The following NCKAP5 variants were observed in gnomAD, a reference collection of about 807,000 sequenced individuals.
NCKAP5 encodes NCK associated protein 5, also known as nck-associated protein 5.
NCKAP5 carries 92 observed loss-of-function variants against 167.0 expected under a neutral mutation model. That is an observed-to-expected ratio of 0.55 (90% CI 0.47 to 0.66). The LOEUF (loss-of-function observed/expected upper bound fraction) is 0.66. Among genes scored for constraint, NCKAP5 ranks in the 30% least tolerant of loss-of-function variants. NCKAP5 has a pLI of 0.00. For synonymous variants in NCKAP5, 891 were observed against 877.4 expected, an observed-to-expected ratio of 1.02 and a Z score of -0.27; for missense variants, 2,378 against 2,315.0, an observed-to-expected ratio of 1.03 and a Z score of -0.56.
At chr2:133,104,259 A>G (rs1054161652) in intron 6 of NCKAP5, among the ~76,000 whole-genome samples, 2 of 152,238 alleles carry the variant, frequency 1.3e-5, no homozygotes, top group Non-Finnish European at 2.9e-5. Context: ...CTACAAATCA[A>G]CCAGAACTGC....
intron 5 of NCKAP5, among the ~76,000 whole-genome samples, chr2:133,191,799 TA>T (rs2085235148): frequency 2.6e-5 from 4 of 152,032 alleles, no homozygotes; most frequent in Middle Eastern, 3.4e-3. Flanking sequence ...GGGATAGCAT[TA>T]GGAGATATAC....
chr2:132,786,235 A>G (rs1683556825), intron 13 of NCKAP5, among the ~76,000 whole-genome samples: 1 of 152,234 alleles, frequency 6.6e-6, no homozygotes, highest in Admixed American at 6.5e-5. Flanking sequence ...TAAGTCAGAA[A>G]GTACATTCAA....
At chr2:132,930,189 A>C (rs551173856) in intron 8 of NCKAP5, 2 of 152,340 alleles carry the variant, frequency 1.3e-5, no homozygotes, top group South Asian at 4.1e-4. Flanking sequence ...CTGTTGCAGT[A>C]CATGGTTGTC....
At chr2:133,437,676 T>C (rs1454850167) in intron 3 of NCKAP5, among the ~76,000 whole-genome samples, 2 of 152,136 alleles carry the variant, frequency 1.3e-5, no homozygotes, top group Non-Finnish European at 2.9e-5. Flanking sequence ...GCTCTGCTTT[T>C]TATGGCCAAG....
At chr2:133,035,715 T>C (rs2079019538) in intron 6 of NCKAP5, among the ~76,000 whole-genome samples, 1 of 151,594 alleles carries the variant, frequency 6.6e-6, no homozygotes, top group South Asian at 2.1e-4. Flanking sequence ...TAGATATAAG[T>C]GGCTATGTCT....
intron 5 of NCKAP5, among the ~76,000 whole-genome samples, chr2:133,169,050 G>A (rs914727231): frequency 6.6e-6 from 1 of 152,126 alleles, no homozygotes; most frequent in Non-Finnish European, 1.5e-5. Context: ...CTTGAACCAA[G>A]TATTTCAGCA....
chr2:132,852,720 G>T (rs986546496), intron 11 of NCKAP5, among the ~76,000 whole-genome samples: 15 of 152,144 alleles, frequency 9.9e-5, no homozygotes, highest in South Asian at 6.2e-4. Flanking sequence ...TTCACAAATT[G>T]CTTTTTGGAA....
chr2:133,541,844 G>A (rs1041083747), intron 2 of NCKAP5, among the ~76,000 whole-genome samples: 7 of 151,884 alleles, frequency 4.6e-5, no homozygotes, highest in African/African-American at 1.2e-4. Flanking sequence ...GGACTAAGTC[G>A]CCATAAACAA....
At chr2:133,457,982 T>C (rs1691962293) in intron 3 of NCKAP5, among the ~76,000 whole-genome samples, 1 of 152,178 alleles carries the variant, frequency 6.6e-6, no homozygotes, top group South Asian at 2.1e-4. Context: ...GCCTTGATGA[T>C]AGGTCTCTGT....
At chr2:133,018,095 T>G (rs2078404352) in intron 6 of NCKAP5, among the ~76,000 whole-genome samples, 1 of 152,184 alleles carries the variant, frequency 6.6e-6, no homozygotes, top group African/African-American at 2.4e-5. Context: ...TCTGTAACAC[T>G]ATTTTATCAC....
intron 5 of NCKAP5, among the ~76,000 whole-genome samples, chr2:133,148,246 A>C (rs1336199592): frequency 6.6e-6 from 1 of 152,140 alleles, no homozygotes; most frequent in Non-Finnish European, 1.5e-5. Context: ...CCACTGTATC[A>C]TATCAACTTT....
At chr2:132,781,801 A>G (rs779157600) in intron 14 of NCKAP5, 139 bp downstream of exon 14, 32 of 727,134 alleles carry the variant, frequency 4.4e-5, no homozygotes, top group African/African-American at 7.1e-5. Flanking sequence ...TGGCTAATGT[A>G]TAAAAGACTG....
chr2:132,887,340 T>C (rs938549824), intron 8 of NCKAP5, among the ~76,000 whole-genome samples: 67 of 119,230 alleles, frequency 5.6e-4, no homozygotes, highest in African/African-American at 1.7e-3. Flanking sequence ...TCTATCTATC[T>C]ATCTATCTAT....
chr2:133,211,599 C>T (rs1387675047), intron 5 of NCKAP5, among the ~76,000 whole-genome samples: 1 of 152,168 alleles, frequency 6.6e-6, no homozygotes, highest in South Asian at 2.1e-4. Flanking sequence ...ATTTTAATTA[C>T]ATTGAATATC....
chr2:133,550,070 A>T lies in NCKAP5; in HGVS notation c.-62+8980T>A, dbSNP rs1687145929. Among the ~76,000 whole-genome samples, 3 of 151,638 alleles carry T rather than the reference A, an allele frequency of 2.0e-5. No homozygotes were observed. The South Asian group carries it at 6.3e-4, about 32-fold the overall frequency. ...AGGAAGAAGTTGAATCTCTGAATAGACCAATAACAGGAGCTGAAATTGTGG... is the reference window on the plus strand; with the variant it reads ...AGGAAGAAGTTGAATCTCTGAATAGTCCAATAACAGGAGCTGAAATTGTGG... On this transcript the variant is annotated intron_variant, in intron 2 of 19. Coordinates refer to ENST00000409261, the MANE Select transcript of NCKAP5 (RefSeq NM_207363.3).
the NCKAP5 span, among the ~76,000 whole-genome samples, chr2:133,647,372 AAAGAAAGGAAGG>A: frequency 2.6e-5 from 2 of 78,204 alleles, no homozygotes; most frequent in African/African-American, 5.5e-5. Context: ...AGGAAGGAAG[AAAGAAAGGAAGG>A]AAGGAAGGAA....
intron 3 of NCKAP5, among the ~76,000 whole-genome samples, chr2:133,346,897 G>C (rs1239848353): frequency 6.6e-6 from 1 of 152,182 alleles, no homozygotes; most frequent in Non-Finnish European, 1.5e-5. Flanking sequence ...TAGAAGGCTG[G>C]GTGAATTTCT....
At position 133,073,497 on chromosome 2, in the gene NCKAP5, G is replaced by A. The variant is rs537786412; in HGVS notation, c.341+56481C>T. ...TAGTGCCAGGCTGGCACACATTCTGGGCCAGTCTGAACAGGACCACAAAAG... is the reference window on the plus strand; with the variant it reads ...TAGTGCCAGGCTGGCACACATTCTGAGCCAGTCTGAACAGGACCACAAAAG... On this transcript the variant is annotated intron_variant, in intron 6 of 19. Coordinates refer to ENST00000409261, the MANE Select transcript of NCKAP5 (RefSeq NM_207363.3). 1.1e-3 allele frequency among the ~76,000 whole-genome samples: 167 copies of A among 152,230 alleles called. 1 individual carries two copies. Among genetic ancestry groups the A allele is most frequent in the African/African-American group, 3.7e-3 (153 of 41,516 alleles).
At chr2:132,918,938 C>G (rs1200908444) in intron 8 of NCKAP5, among the ~76,000 whole-genome samples, 12 of 152,178 alleles carry the variant, frequency 7.9e-5, no homozygotes, top group Admixed American at 7.9e-4. Flanking sequence ...CAGTATCAAA[C>G]AAAACAAGGA....
Sources: gnomAD v4.1 joint callset for allele counts (sites outside exome capture counted in the v4.1 genomes callset) on GRCh38, gnomAD v4.1.1 for gene constraint, MANE v1.5 for transcripts, NCBI Gene and HGNC (gene_info 2026-07-23, HGNC 2026-07-21) for gene names.